Variants in TMEM184B observed in about 807,000 individuals in gnomAD.
The protein encoded by TMEM184B is putative MAPK-activating protein FM08.
TMEM184B carries 17 observed loss-of-function variants against 41.8 expected under a neutral mutation model. The ratio of observed to expected loss-of-function variants is 0.41; its 90% CI spans 0.28 to 0.61. The LOEUF (loss-of-function observed/expected upper bound fraction) is 0.61. TMEM184B is among the 20% of genes least tolerant of loss of function. The pLI is 0.34. For synonymous variants in TMEM184B, 240 were observed against 229.5 expected, an observed-to-expected ratio of 1.05 and a Z score of -0.41; for missense variants, 393 against 557.8, an observed-to-expected ratio of 0.70 and a Z score of 2.98.
At chr22:38,256,367 C>T (rs1318967074) in intron 1 of TMEM184B, among the ~76,000 whole-genome samples, 2 of 151,932 alleles carry the variant, frequency 1.3e-5, no homozygotes, top group Non-Finnish European at 2.9e-5. Flanking sequence ...GCACCCACCA[C>T]CATGCCTGCC....
intron 3 of TMEM184B, among the ~76,000 whole-genome samples, chr22:38,244,073 GC>G (rs1166471428): frequency 6.6e-6 from 1 of 152,198 alleles, no homozygotes; most frequent in Non-Finnish European, 1.5e-5. Flanking sequence ...GCCTGATGTG[GC>G]CGCAGTTGGG....
chr22:38,261,220 C>G (rs1009311131), intron 1 of TMEM184B, among the ~76,000 whole-genome samples: 9 of 152,272 alleles, frequency 5.9e-5, no homozygotes, highest in African/African-American at 1.7e-4. Context: ...GGTCAGCAAC[C>G]CACAGCCTGG....
intron 1 of TMEM184B, among the ~76,000 whole-genome samples, chr22:38,257,223 G>C (rs1258255985): frequency 6.6e-6 from 1 of 151,658 alleles, no homozygotes; most frequent in Non-Finnish European, 1.5e-5. Context: ...GAATTTTCTA[G>C]TCCATTAAAA....
chr22:38,230,802 C>A, intron 4 of TMEM184B, 58 bp from the exon 5 acceptor site: 2 of 1,549,674 alleles, frequency 1.3e-6, no homozygotes, highest in Non-Finnish European at 1.8e-6. Flanking sequence ...GACTTGGGAA[C>A]AGTGGGGTGG....
At chr22:38,270,444 G>A (rs981375670) in intron 1 of TMEM184B, among the ~76,000 whole-genome samples, 57 of 152,318 alleles carry the variant, frequency 3.7e-4, no homozygotes, top group Non-Finnish European at 7.4e-5. Context: ...CTCAATAAAC[G>A]GACTGTTGTT....
chr22:38,243,363 C>T (rs1356189848), intron 3 of TMEM184B, among the ~76,000 whole-genome samples: 4 of 152,166 alleles, frequency 2.6e-5, no homozygotes, highest in African/African-American at 7.2e-5. Flanking sequence ...TTCTGCCATG[C>T]GCCTGTCTTT....
At position 38,228,156 on chromosome 22, in the gene TMEM184B, A is replaced by G. The variant is rs1204083081; in HGVS notation, c.526-1286T>C. Among the ~76,000 whole-genome samples the G allele has an allele frequency of 2.6e-5, 4 of 152,314 alleles. No homozygotes were observed. In the East Asian group the frequency reaches 5.8e-4, roughly 22 times the overall value. Reference sequence around the variant, plus strand: ...TACGGAGAGGCCCGCGTGATGGGGCAGACGTGCAGTCCCACTCTCAGAAAG... The same window carrying G: ...TACGGAGAGGCCCGCGTGATGGGGCGGACGTGCAGTCCCACTCTCAGAAAG... On this transcript the variant is annotated intron_variant, in intron 5 of 8. Coordinates refer to ENST00000361906, the MANE Select transcript of TMEM184B (RefSeq NM_012264.5).
At chr22:38,224,042 G>T (rs1244540285) in intron 8 of TMEM184B, 1 of 152,266 alleles carries the variant, frequency 6.6e-6, no homozygotes, top group African/African-American at 2.4e-5. Flanking sequence ...CAAGGAGGAA[G>T]ATTCGCAGGT....
Position 38,220,926 on chromosome 22 carries a change from G to A in TMEM184B, c.*543C>T, listed in dbSNP as rs2091239269. On this transcript the variant is annotated 3_prime_UTR_variant, in exon 9 of 9. Coordinates refer to ENST00000361906, the MANE Select transcript of TMEM184B (RefSeq NM_012264.5). ...CCTTGCAGCATGCCACAGAGGCCTG[G>A]GTCAGGAGGGGAGGACCACAGAGCG... 3.0e-6 allele frequency: 3 copies of A among 987,642 alleles called. No homozygotes were observed. Among genetic ancestry groups the A allele is most frequent in the Non-Finnish European group, 3.6e-6 (3 of 831,308 alleles). The allele number at this position is 987,642 out of a possible 1,614,324, so 61.2% of individuals were successfully genotyped here. A position where few individuals can be genotyped will look rare whatever the true frequency, so the allele number is the denominator to read the frequency against.
chr22:38,225,841 C>G lies in TMEM184B; in HGVS notation c.618-248G>C, dbSNP rs903979559. Reference sequence around the variant, plus strand: ...CGTGGACTTGTCTAAGCCCTGGTGCCCACACTCCTAACGTTGGACACCAGT... The same window carrying G: ...CGTGGACTTGTCTAAGCCCTGGTGCGCACACTCCTAACGTTGGACACCAGT... On this transcript the variant is annotated intron_variant, in intron 6 of 8. Transcript: ENST00000361906. The surrounding 1 kb of genome is among the most constrained non-coding windows in gnomAD (Gnocchi z 4.4). 2.0e-5 allele frequency among the ~76,000 whole-genome samples: 3 copies of G among 152,188 alleles called. No homozygotes were observed. Among genetic ancestry groups the G allele is most frequent in the African/African-American group, 7.2e-5 (3 of 41,436 alleles).
At chr22:38,238,565 C>T (rs1273991364) in intron 3 of TMEM184B, among the ~76,000 whole-genome samples, 1 of 152,222 alleles carries the variant, frequency 6.6e-6, no homozygotes, top group East Asian at 1.9e-4. Flanking sequence ...CTGCAAGAGC[C>T]ACAGCCAGCC....
intron 3 of TMEM184B, among the ~76,000 whole-genome samples, chr22:38,234,273 C>A (rs1031599675): frequency 1.3e-5 from 2 of 152,116 alleles, no homozygotes; most frequent in Non-Finnish European, 2.9e-5. Flanking sequence ...CACTCAGTCA[C>A]CATGCAGCGG....
intron 1 of TMEM184B, among the ~76,000 whole-genome samples, chr22:38,258,361 A>T (rs1282965887): frequency 6.6e-6 from 1 of 151,318 alleles, no homozygotes; most frequent in Non-Finnish European, 1.5e-5. Flanking sequence ...AGTACAGAGG[A>T]ACAATCTCGG....
intron 1 of TMEM184B, among the ~76,000 whole-genome samples, chr22:38,259,066 G>T (rs1246285441): frequency 6.6e-6 from 1 of 152,094 alleles, no homozygotes; most frequent in Admixed American, 6.5e-5. Flanking sequence ...CCTCTTCCAG[G>T]AAAGACGTCT....
rs368464450 is a variant in TMEM184B at position 38,270,107 on chromosome 22, G to A, written c.-59+2777C>T. On this transcript the variant is annotated intron_variant, in intron 1 of 8. Coordinates refer to ENST00000361906, the MANE Select transcript of TMEM184B (RefSeq NM_012264.5). ...CACAGACCCAACACAGTCACAGGCA[G>A]TTCAAGCCTCTGCGTCTGAGAGGTG... is the stretch of plus-strand genomic sequence containing the variant. Among the ~76,000 whole-genome samples the A allele has an allele frequency of 7.4e-4, 112 of 152,340 alleles. 1 individual carries two copies. The South Asian group carries it at 0.023, about 31-fold the overall frequency.
intron 3 of TMEM184B, among the ~76,000 whole-genome samples, chr22:38,243,515 T>C (rs1028156148): frequency 6.6e-6 from 1 of 152,166 alleles, no homozygotes; most frequent in Admixed American, 6.5e-5. Flanking sequence ...GGCAGCTGAA[T>C]GGAAGTGGAT....
chr22:38,248,185 C>A (rs1046360885), intron 1 of TMEM184B, among the ~76,000 whole-genome samples, 166 bp from the exon 2 acceptor site: 2 of 152,162 alleles, frequency 1.3e-5, no homozygotes, highest in Non-Finnish European at 2.9e-5. Flanking sequence ...AGGCCCCTGA[C>A]CAGTTTCTCT....
chr22:38,246,944 A>C, intron 2 of TMEM184B: 2 of 1,183,414 alleles, frequency 1.7e-6, no homozygotes, highest in South Asian at 1.3e-5. Context: ...CCTTGGACGC[A>C]AATGGGTTCT....
At chr22:38,218,997 G>A (rs1439593448), downstream of TMEM184B, among the ~76,000 whole-genome samples, 6 of 152,202 alleles carry the variant, frequency 3.9e-5, no homozygotes, top group South Asian at 2.1e-4. Flanking sequence ...CTGCAGGAGC[G>A]GGGCTGCCAG....
Sources: allele counts gnomAD v4.1 joint callset (sites outside exome capture counted in the v4.1 genomes callset), GRCh38; gene constraint gnomAD v4.1.1; non-coding constraint Gnocchi (gnomAD v3.1); transcripts MANE v1.5; gene names NCBI Gene and HGNC (gene_info 2026-07-23, HGNC 2026-07-21).